RPSA2: variants seen among roughly 807,000 people sequenced by gnomAD.
RPSA2 encodes the protein small ribosomal subunit protein uS2B.
the RPSA2 span, chr19:23,809,007 T>G: frequency 5.1e-6 from 1 of 196,928 alleles, no homozygotes; most frequent in Non-Finnish European, 1.0e-5. Context: ...GAATTCTAAT[T>G]TCCCTTCAGT....
At chr19:23,848,108 C>T in the RPSA2 span, among the ~76,000 whole-genome samples, 270 of 152,162 alleles carry the variant, frequency 1.8e-3, no homozygotes, top group Middle Eastern at 6.8e-3. Flanking sequence ...TCTGAGGTGA[C>T]GTACATCCTC....
chr19:23,802,821 G>A, the RPSA2 span, among the ~76,000 whole-genome samples: 1 of 152,118 alleles, frequency 6.6e-6, no homozygotes, highest in African/African-American at 2.4e-5. Flanking sequence ...ATCATATGGT[G>A]GGTACAATAA....
At chr19:23,832,265 T>C in the RPSA2 span, 1 of 448,586 alleles carries the variant, frequency 2.2e-6, no homozygotes, top group Admixed American at 2.8e-5. Flanking sequence ...TTCTCAACCC[T>C]TACGAAACAT....
the RPSA2 span, chr19:23,782,309 T>C: frequency 6.6e-6 from 1 of 152,354 alleles, no homozygotes; most frequent in East Asian, 1.9e-4. Flanking sequence ...AAAGAGATTA[T>C]GACATATGAC....
chr19:23,847,934 G>A, the RPSA2 span, among the ~76,000 whole-genome samples: 5 of 152,116 alleles, frequency 3.3e-5, no homozygotes, highest in Admixed American at 3.3e-4. Context: ...GAAAAATGTG[G>A]CTCTTTTTGC....
chr19:23,861,022 AG>A, the RPSA2 span, among the ~76,000 whole-genome samples: 3 of 146,458 alleles, frequency 2.0e-5, no homozygotes, highest in South Asian at 2.2e-4. Flanking sequence ...TGCTTAAAAA[AG>A]CAATACAACA....
the RPSA2 span, among the ~76,000 whole-genome samples, chr19:23,846,095 A>C: frequency 6.6e-6 from 1 of 152,084 alleles, no homozygotes; most frequent in East Asian, 1.9e-4. Context: ...TAGGTTTAAT[A>C]ATATTTCTTT....
At chr19:23,788,169 T>TATGTGA in the RPSA2 span, among the ~76,000 whole-genome samples, 1 of 152,096 alleles carries the variant, frequency 6.6e-6, no homozygotes, top group African/African-American at 2.4e-5. Flanking sequence ...GCCCAGCACC[T>TATGTGA]ATGTGATGTG....
the RPSA2 span, among the ~76,000 whole-genome samples, chr19:23,860,117 C>G: frequency 3.3e-5 from 5 of 152,114 alleles, no homozygotes; most frequent in Non-Finnish European, 5.9e-5. Flanking sequence ...AGTGTTCTCT[C>G]TGAAAACACA....
chr19:23,777,633 A>C, the RPSA2 span, among the ~76,000 whole-genome samples: 1 of 147,850 alleles, frequency 6.8e-6, no homozygotes, highest in Non-Finnish European at 1.5e-5. Context: ...TGTAGATGTG[A>C]CTTTCCTCTT....
chr19:23,806,896 A>C, the RPSA2 span, among the ~76,000 whole-genome samples: 14 of 151,980 alleles, frequency 9.2e-5, no homozygotes, highest in Non-Finnish European at 1.3e-4. Flanking sequence ...AAATATCTCT[A>C]TCTTGGACTT....
the RPSA2 span, among the ~76,000 whole-genome samples, chr19:23,766,644 CA>C: frequency 6.6e-6 from 1 of 151,558 alleles, no homozygotes; most frequent in African/African-American, 2.4e-5. Flanking sequence ...TTAGTAGAGA[CA>C]GGGTTTCACC....
At chr19:23,827,623 G>A in the RPSA2 span, 2 of 1,593,512 alleles carry the variant, frequency 1.3e-6, no homozygotes, top group Non-Finnish European at 1.7e-6. Flanking sequence ...ATTCTCCTCT[G>A]CGCTATGTGG....
chr19:23,812,587 C>T, the RPSA2 span, among the ~76,000 whole-genome samples: 148,712 of 152,030 alleles, frequency 0.98, 72,826 homozygotes, highest in Middle Eastern at 1. Flanking sequence ...TTATTAGAGA[C>T]GGGGTTTCTC....
chr19:23,768,156 A>G, the RPSA2 span, among the ~76,000 whole-genome samples: 1 of 151,986 alleles, frequency 6.6e-6, no homozygotes, highest in South Asian at 2.1e-4. Flanking sequence ...GGTATATTTC[A>G]GAAAAATCTA....
the RPSA2 span, among the ~76,000 whole-genome samples, chr19:23,797,605 T>A: frequency 6.6e-6 from 1 of 152,238 alleles, no homozygotes; most frequent in Non-Finnish European, 1.5e-5. Context: ...GACTATTTGG[T>A]CAAGTGTTGA....
the RPSA2 span, among the ~76,000 whole-genome samples, chr19:23,774,714 G>A: frequency 3.9e-5 from 6 of 152,078 alleles, no homozygotes; most frequent in African/African-American, 1.4e-4. Context: ...TGTTTCTTCT[G>A]CCTGAGCTTT....
the RPSA2 span, chr19:23,808,868 G>T: frequency 2.1e-6 from 1 of 474,130 alleles, no homozygotes; most frequent in South Asian, 2.3e-5. Flanking sequence ...AAATCAAGAA[G>T]AAAGCAAGTC....
At chr19:23,832,540 A>G in the RPSA2 span, 2 of 787,784 alleles carry the variant, frequency 2.5e-6, no homozygotes, top group Admixed American at 2.9e-5. Flanking sequence ...TTCATACTGA[A>G]AAGAAACCCT....
Sources: gnomAD v4.1 joint callset for allele counts (sites outside exome capture counted in the v4.1 genomes callset) on GRCh38, gnomAD v4.1.1 for gene constraint, MANE v1.5 for transcripts, NCBI Gene and HGNC (gene_info 2026-07-23, HGNC 2026-07-21) for gene names.